The following GPR137 variants were observed in gnomAD, a reference collection of about 807,000 sequenced individuals.
GPR137 encodes integral membrane protein GPR137.
A neutral mutation model predicts 38.9 loss-of-function variants in GPR137; 20 were observed. That is an observed-to-expected ratio of 0.51 (90% CI 0.36 to 0.75). The LOEUF is 0.75. GPR137 is among the 30% of genes least tolerant of loss of function. The pLI, the probability that GPR137 is intolerant of heterozygous loss-of-function variation, is 0.00. For synonymous variants in GPR137, 226 were observed against 235.8 expected (o/e 0.96, Z 0.38); for missense variants, 456 against 526.4 (o/e 0.87, Z 1.31).
chr11:64,283,729 C>T (rs1286492332), upstream of GPR137, among the ~76,000 whole-genome samples: 2 of 152,208 alleles, frequency 1.3e-5, no homozygotes, highest in African/African-American at 4.8e-5. Context: ...AGGCAGGCCC[C>T]TTTTCCTTTT....
chr11:64,280,592 C>T (rs1056948319), upstream of GPR137, among the ~76,000 whole-genome samples: 7 of 151,000 alleles, frequency 4.6e-5, no homozygotes, highest in Non-Finnish European at 1.0e-4. Context: ...ACCTCGTGAT[C>T]CGCCCGCCTC....
chr11:64,271,777 G>GCCC, upstream of GPR137: 1 of 1,377,802 alleles, frequency 7.3e-7, no homozygotes, highest in Non-Finnish European at 9.4e-7. Context: ...GAGCTGTGGC[G>GCCC]ACTCCGGATC....
At position 64,286,643 on chromosome 11, in the gene GPR137, C is replaced by T; in HGVS notation, c.119C>T (p.Ser40Phe). The stretch of plus-strand genomic sequence containing the variant: ...ACCCTGTATGCCCTGCTCTTCTTCT[C>T]CGTCTATGCCCAGCTCTGGCTGGTG... ...YTTLYALLFF[S>F]VYAQLWLVLL... Residue 40 changes from serine (S) to phenylalanine (F), a missense_variant, in exon 1 of 7, where the codon TCC becomes TTC. Transcript: ENST00000438980. 1 of 1,614,098 alleles carries T rather than the reference C, an allele frequency of 6.2e-7. No homozygotes were observed. Among genetic ancestry groups the T allele is most frequent in the African/African-American group, 1.3e-5 (1 of 75,044 alleles).
upstream of GPR137, chr11:64,284,150 G>A (rs754521057): frequency 6.5e-7 from 1 of 1,539,934 alleles, no homozygotes; most frequent in Non-Finnish European, 8.7e-7. Flanking sequence ...GGGGTGAGGT[G>A]TCCCGGCAGG....
At chr11:64,270,988 A>T, upstream of GPR137, among the ~76,000 whole-genome samples, 1 of 79,764 alleles carries the variant, frequency 1.3e-5, no homozygotes. Context: ...ACACACACAC[A>T]CACACACACA....
At position 64,286,822 on chromosome 11, in the gene GPR137, T is replaced by C; in HGVS notation, c.298T>C (p.Cys100Arg). 5 of 1,598,474 alleles carry C rather than the reference T, an allele frequency of 3.1e-6. No individual in the cohort carries two copies. The highest frequency in any genetic ancestry group is 4.3e-6 in the Non-Finnish European group (5 of 1,169,984). ...GCCCTTGCCCTTCTGGCTTCTCTAC[T>C]GCTGCCCCGTCTGCCTGCAGTTCTT... ...LGPLPFWLLY[C>R]CPVCLQFFTL... is the part of the protein sequence containing the mutation. Residue 100 changes from cysteine (C) to arginine (R), a missense_variant, in exon 1 of 7, where the codon TGC becomes CGC. Transcript: ENST00000438980.
chr11:64,286,872 C>T lies in GPR137; in HGVS notation c.348C>T (p.Tyr116=). The part of the protein sequence containing the change: ...QFFTLTLMNL[Y]FAQVVFKAKV... ...TCACCTTGACGCTTATGAACCTCTACTTTGCCCAGGTAACCAACTGTGGTC... is the reference window on the plus strand; with the variant it reads ...TCACCTTGACGCTTATGAACCTCTATTTTGCCCAGGTAACCAACTGTGGTC... The change falls in exon 1 of 7, where the codon TAC becomes TAT. Residue 116 remains tyrosine, a synonymous_variant. Transcript: ENST00000438980. The T allele has an allele frequency of 6.2e-7, 1 of 1,604,920 alleles. No individual in the cohort carries two copies. Among genetic ancestry groups the T allele is most frequent in the Non-Finnish European group, 8.5e-7 (1 of 1,174,026 alleles).
At chr11:64,284,145 G>A (rs779696083), upstream of GPR137, 3 of 1,534,490 alleles carry the variant, frequency 2.0e-6, no homozygotes, top group Non-Finnish European at 2.6e-6. Context: ...GGCTGGGGGT[G>A]AGGTGTCCCG....
rs779201215 is a variant in GPR137 at position 64,289,298 on chromosome 11, G to A, written c.*102G>A. 1.8e-5 allele frequency: 29 copies of A among 1,612,966 alleles called. No individual in the cohort carries two copies. The highest frequency in any genetic ancestry group is 2.2e-5 in the East Asian group (1 of 44,864). On this transcript the variant is annotated 3_prime_UTR_variant, in exon 7 of 7. Transcript: ENST00000438980. ...CTTCTTGCCCAGGATCCTGGGGGTC[G>A]TGGCTACCCCCTCCTCTGGCCGGCT...
chr11:64,287,338 C>T (rs956028234), intron 2 of GPR137: 1 of 979,678 alleles, frequency 1.0e-6, no homozygotes, highest in Non-Finnish European at 1.2e-6. Flanking sequence ...GCAATGCCCT[C>T]GTCATTTGTA....
At chr11:64,282,709 C>G (rs781080887), upstream of GPR137, among the ~76,000 whole-genome samples, 1 of 151,902 alleles carries the variant, frequency 6.6e-6, no homozygotes. Flanking sequence ...GAAACCCCAT[C>G]TCTAATAAAA....
upstream of GPR137, chr11:64,285,790 C>A: frequency 1.0e-6 from 1 of 985,310 alleles, no homozygotes; most frequent in East Asian, 1.1e-4. Context: ...GCCAGCCGGG[C>A]CGCTGCGCAA....
rs2034111180 is a variant in GPR137, at chr11:64,286,715, C to T, written c.191C>T (p.Ala64Val). Residue 64 changes from alanine (A) to valine (V), a missense_variant, in exon 1 of 7, where the codon GCC (alanine) becomes GTC (valine). By Grantham distance (64) the Ala-to-Val change is moderately conservative (BLOSUM62 0). Transcript: ENST00000438980. ...KRLSYQTVFLALCLLWAALRT... is the reference protein window; with the variant it reads ...KRLSYQTVFLVLCLLWAALRT... ...CTCAGCTATCAGACGGTGTTCCTGG[C>T]CCTCTGTCTGCTCTGGGCCGCCTTG... The T allele has an allele frequency of 4.3e-6, 7 of 1,613,610 alleles. No individual in the cohort carries two copies. The highest frequency in any genetic ancestry group is 4.2e-6 in the Non-Finnish European group (5 of 1,179,678).
chr11:64,284,541 G>A, upstream of GPR137: 3 of 1,508,544 alleles, frequency 2.0e-6, no homozygotes. Context: ...GCAGGGAGCT[G>A]AGGCTGTCGG....
chr11:64,271,671 G>A (rs920264781), upstream of GPR137: 1 of 1,506,514 alleles, frequency 6.6e-7, no homozygotes, highest in Non-Finnish European at 8.9e-7. Flanking sequence ...ATAGCGCTGT[G>A]CTGCCCAGAG....
upstream of GPR137, among the ~76,000 whole-genome samples, chr11:64,270,898 GAGAC>G (rs1329689548): frequency 4.4e-4 from 38 of 86,772 alleles, 1 homozygote; most frequent in South Asian, 2.3e-3. Context: ...CATGCCCTGT[GAGAC>G]ACACACACAC....
At chr11:64,277,064 C>CA (rs1460292591) in intron 2 of GPR137, 1 of 704,106 alleles carries the variant, frequency 1.4e-6, no homozygotes, top group African/African-American at 1.8e-5. Flanking sequence ...GATGAGGAAA[C>CA]AGAGGCACAC....
In GPR137 at chr11:64,288,970, C is replaced by T; in HGVS notation, c.1032-67C>T. ...GGGGTTCTGTTCTAAGCCTGTCTTC[C>T]TCCTGCAGCTCTTGTGACTGTGGCC... On this transcript the variant is annotated intron_variant, in intron 6 of 6. Transcript: ENST00000438980. This position sits in a 1 kb window ranked among gnomAD's most constrained non-coding sequence, Gnocchi z 5.5. The T allele has an allele frequency of 1.4e-6, 2 of 1,464,788 alleles. No individual in the cohort carries two copies. Among genetic ancestry groups the T allele is most frequent in the Non-Finnish European group, 1.8e-6 (2 of 1,110,456 alleles). The allele number at this position is 1,464,788 out of a possible 1,614,324, so 90.7% of individuals were successfully genotyped here.
chr11:64,282,276 A>C (rs1565351538), upstream of GPR137, among the ~76,000 whole-genome samples: 1 of 152,176 alleles, frequency 6.6e-6, no homozygotes, highest in African/African-American at 2.4e-5. Flanking sequence ...TGTGAGCAGA[A>C]AAATGGCCAA....
Sources: allele counts gnomAD v4.1 joint callset (sites outside exome capture counted in the v4.1 genomes callset), GRCh38; gene constraint gnomAD v4.1.1; non-coding constraint Gnocchi (gnomAD v3.1); transcripts MANE v1.5; gene names NCBI Gene and HGNC (gene_info 2026-07-23, HGNC 2026-07-21).